ARHGAP44: variants seen among roughly 807,000 people sequenced by gnomAD.
ARHGAP44 encodes the protein rho GTPase-activating protein 44.
Under a neutral mutation model 106.8 loss-of-function variants are expected in ARHGAP44, and 43 were observed. The ratio of observed to expected loss-of-function variants is 0.40; its 90% CI spans 0.32 to 0.52. The LOEUF (loss-of-function observed/expected upper bound fraction) is 0.52, where lower values mean the gene tolerates loss of function less well. ARHGAP44 is among the 20% of genes least tolerant of loss of function. ARHGAP44 has a pLI of 0.48. For missense variants in ARHGAP44, 866 were observed against 1,050.5 expected (o/e 0.82, Z 2.43); for synonymous variants, 439 against 410.3 (o/e 1.07, Z -0.85).
chr17:12,794,956 A>C (rs2033874936), intron 1 of ARHGAP44, among the ~76,000 whole-genome samples: 1 of 152,180 alleles, frequency 6.6e-6, no homozygotes, highest in African/African-American at 2.4e-5. Flanking sequence ...CCTGCCTTGT[A>C]GTAGGCCTTC....
chr17:12,963,499 G>T (rs185615968), intron 16 of ARHGAP44, among the ~76,000 whole-genome samples: 1 of 151,998 alleles, frequency 6.6e-6, no homozygotes, highest in African/African-American at 2.4e-5. Flanking sequence ...AGTCATTCTG[G>T]AGTCTTCAAC....
intron 1 of ARHGAP44, among the ~76,000 whole-genome samples, chr17:12,829,285 T>C (rs2035018967): frequency 6.6e-6 from 1 of 152,114 alleles, no homozygotes; most frequent in Non-Finnish European, 1.5e-5. Context: ...TTCTACTTGA[T>C]GTAACAACTT....
intron 1 of ARHGAP44, among the ~76,000 whole-genome samples, chr17:12,858,992 C>T (rs772522399): frequency 4.6e-5 from 7 of 152,098 alleles, no homozygotes; most frequent in Non-Finnish European, 1.0e-4. Flanking sequence ...AACTGCCCCC[C>T]ATGATTCAAT....
chr17:12,894,629 G>A (rs940555405), intron 1 of ARHGAP44, among the ~76,000 whole-genome samples: 6 of 152,106 alleles, frequency 3.9e-5, no homozygotes, highest in African/African-American at 1.2e-4. Context: ...AAGCGTTATG[G>A]GTGGGGAAAC....
At position 12,949,427 on chromosome 17, in the gene ARHGAP44, C is replaced by A. The variant is rs932607658; in HGVS notation, c.973+176C>A. On this transcript the variant is annotated intron_variant, in intron 11 of 20. Transcript: ENST00000379672. The surrounding 1 kb of genome is among the most constrained non-coding windows in gnomAD (Gnocchi z 4.1). Reference sequence around the variant, plus strand: ...GTGCTCTGGCCCCTTGAAGGAAGGCCTCCCCGCATGCCAAGGGAAGACGAG... The same window carrying A: ...GTGCTCTGGCCCCTTGAAGGAAGGCATCCCCGCATGCCAAGGGAAGACGAG... 6.6e-6 allele frequency among the ~76,000 whole-genome samples: 1 copy of A among 152,194 alleles called. No homozygotes were observed. Among genetic ancestry groups the A allele is most frequent in the Admixed American group, 6.5e-5 (1 of 15,284 alleles).
intron 16 of ARHGAP44, among the ~76,000 whole-genome samples, chr17:12,961,610 T>C (rs941153668): frequency 1.3e-5 from 2 of 152,134 alleles, no homozygotes; most frequent in African/African-American, 4.8e-5. Context: ...GGCGCATGCC[T>C]GTAATCCCAG....
chr17:12,967,749 G>A (rs1024993173), intron 16 of ARHGAP44, among the ~76,000 whole-genome samples: 2 of 152,050 alleles, frequency 1.3e-5, no homozygotes, highest in East Asian at 1.9e-4. Flanking sequence ...CTGGTCCTGG[G>A]CCTAATCCTC....
At chr17:12,828,741 A>G (rs923095355) in intron 1 of ARHGAP44, among the ~76,000 whole-genome samples, 4 of 142,974 alleles carry the variant, frequency 2.8e-5, no homozygotes, top group African/African-American at 8.0e-5. Flanking sequence ...TCCCGGGTTC[A>G]TGCCATTCTC....
At chr17:12,973,649 C>T (rs1423491834) in intron 17 of ARHGAP44, 5 of 479,694 alleles carry the variant, frequency 1.0e-5, no homozygotes, top group African/African-American at 6.5e-5. Context: ...GTTCCACGCT[C>T]CCCCCTTCGC....
chr17:12,827,702 T>C (rs2034961110), intron 1 of ARHGAP44, among the ~76,000 whole-genome samples: 2 of 152,212 alleles, frequency 1.3e-5, no homozygotes, highest in Admixed American at 1.3e-4. Context: ...TTATGAATGA[T>C]ATACAGTTAT....
At chr17:12,989,454 A>G (rs2040054391) in intron 20 of ARHGAP44, among the ~76,000 whole-genome samples, 1 of 152,148 alleles carries the variant, frequency 6.6e-6, no homozygotes. Flanking sequence ...ATAAATAAGG[A>G]TGTAACCAGA....
At chr17:12,811,891 T>C (rs1475881165) in intron 1 of ARHGAP44, among the ~76,000 whole-genome samples, 2 of 152,168 alleles carry the variant, frequency 1.3e-5, no homozygotes, top group African/African-American at 4.8e-5. Context: ...ATATATTGGA[T>C]TAAGGGTCTA....
intron 1 of ARHGAP44, among the ~76,000 whole-genome samples, chr17:12,830,183 A>G (rs1044609431): frequency 6.6e-6 from 1 of 152,230 alleles, no homozygotes; most frequent in Non-Finnish European, 1.5e-5. Flanking sequence ...GCCAAAAAGA[A>G]CTATGAGTCT....
rs182880713 is a variant in ARHGAP44 at position 12,876,507 on chromosome 17, G to T, written c.54-18433G>T. Among the ~76,000 whole-genome samples, 4 of 152,320 alleles carry T rather than the reference G, an allele frequency of 2.6e-5. No individual in the cohort carries two copies. The East Asian group carries it at 7.7e-4, about 29-fold the overall frequency. ...GTGATACAATACTTGTAAAGTGCCA[G>T]CAGAACACCTGCTAGGCACTAGGCA... On this transcript the variant is annotated intron_variant, in intron 1 of 20. Transcript: ENST00000379672.
intron 1 of ARHGAP44, among the ~76,000 whole-genome samples, chr17:12,881,040 TAAAA>T (rs1463226247): frequency 6.6e-5 from 10 of 152,242 alleles, no homozygotes; most frequent in African/African-American, 2.4e-4. Flanking sequence ...TTTCCTCCTT[TAAAA>T]AGTGCTGATC....
chr17:12,817,606 C>T (rs1037508968), intron 1 of ARHGAP44, among the ~76,000 whole-genome samples: 3 of 151,878 alleles, frequency 2.0e-5, no homozygotes, highest in Non-Finnish European at 2.9e-5. Context: ...TTGAAAAGAT[C>T]GATAAAGTTG....
At chr17:12,804,977 A>G (rs190599337) in intron 1 of ARHGAP44, among the ~76,000 whole-genome samples, 289 of 152,076 alleles carry the variant, frequency 1.9e-3, no homozygotes, top group Middle Eastern at 3.4e-3. Context: ...TATATCTGCT[A>G]TGTTCTAAGT....
chr17:12,924,433 A>T (rs2038175512), intron 6 of ARHGAP44, among the ~76,000 whole-genome samples: 1 of 152,182 alleles, frequency 6.6e-6, no homozygotes, highest in African/African-American at 2.4e-5. Context: ...GTGCTTAAAG[A>T]AGGAGCCTAA....
chr17:12,987,076 G>C, intron 20 of ARHGAP44: 2 of 1,474,908 alleles, frequency 1.4e-6, no homozygotes, highest in Non-Finnish European at 1.8e-6. Context: ...TCCTTTCTCC[G>C]AATCCTATCA....
Sources: allele counts gnomAD v4.1 joint callset (sites outside exome capture counted in the v4.1 genomes callset), GRCh38; gene constraint gnomAD v4.1.1; non-coding constraint Gnocchi (gnomAD v3.1); transcripts MANE v1.5; gene names NCBI Gene and HGNC (gene_info 2026-07-23, HGNC 2026-07-21).